Variants in MCU observed in about 807,000 individuals in gnomAD.
MCU encodes the protein mitochondrial calcium uniporter.
MCU carries 12 observed loss-of-function variants against 45.2 expected under a neutral mutation model. The observed-to-expected ratio is 0.27, with a 90% confidence interval of 0.17 to 0.43. The LOEUF (loss-of-function observed/expected upper bound fraction) is 0.43, where lower values mean the gene tolerates loss of function less well. Ranked by LOEUF, MCU falls within the 20% of genes least tolerant of loss-of-function variation. MCU has a pLI of 1.00. For synonymous variants in MCU, 160 were observed against 165.1 expected (o/e 0.97, Z 0.24); for missense variants, 324 against 436.7 (o/e 0.74, Z 2.30).
chr10:72,712,042 A>G (rs1419840011), intron 1 of MCU, among the ~76,000 whole-genome samples: 2 of 151,550 alleles, frequency 1.3e-5, no homozygotes, highest in Non-Finnish European at 2.9e-5. Flanking sequence ...AAAAAAACCC[A>G]AAAAACAAAA....
At chr10:72,802,062 G>A (rs745373972) in intron 1 of MCU, among the ~76,000 whole-genome samples, 2 of 152,050 alleles carry the variant, frequency 1.3e-5, no homozygotes, top group East Asian at 1.9e-4. Flanking sequence ...GATACCAAGC[G>A]TTCAACACAA....
chr10:72,748,172 T>C (rs1040016191), intron 1 of MCU, among the ~76,000 whole-genome samples: 3 of 151,766 alleles, frequency 2.0e-5, no homozygotes, highest in Admixed American at 1.3e-4. Flanking sequence ...CTCAGCCACC[T>C]GAGTAGCTGG....
chr10:72,819,860 C>G (rs1174150897), intron 1 of MCU, among the ~76,000 whole-genome samples: 1 of 149,288 alleles, frequency 6.7e-6, no homozygotes, highest in Non-Finnish European at 1.5e-5. Context: ...ATAAATTTAT[C>G]TTAGTTGATA....
At chr10:72,865,975 C>T (rs559202043) in intron 4 of MCU, among the ~76,000 whole-genome samples, 34 of 152,186 alleles carry the variant, frequency 2.2e-4, no homozygotes, top group Admixed American at 1.7e-3. Flanking sequence ...GACGGGGTTT[C>T]ACCATGTTAG....
chr10:72,885,435 A>G (rs904425469), intron 7 of MCU, among the ~76,000 whole-genome samples: 1 of 152,232 alleles, frequency 6.6e-6, no homozygotes, highest in African/African-American at 2.4e-5. Context: ...GAGAAACACC[A>G]TCAAGATGTA....
intron 5 of MCU, among the ~76,000 whole-genome samples, chr10:72,869,622 A>G (rs117703277): frequency 1.3e-5 from 2 of 152,238 alleles, no homozygotes; most frequent in Non-Finnish European, 2.9e-5. Flanking sequence ...ACAACAAAAT[A>G]ACAATACAAC....
intron 1 of MCU, among the ~76,000 whole-genome samples, chr10:72,821,605 G>A (rs535992053): frequency 6.6e-6 from 1 of 152,022 alleles, no homozygotes; most frequent in Non-Finnish European, 1.5e-5. Flanking sequence ...AATGTTTAGG[G>A]TGGCAGCATA....
intron 2 of MCU, among the ~76,000 whole-genome samples, chr10:72,851,705 T>C (rs994195005): frequency 6.6e-6 from 1 of 152,180 alleles, no homozygotes; most frequent in African/African-American, 2.4e-5. Context: ...GTTGCAAATC[T>C]TGTGACCTCT....
At chr10:72,829,357 T>C (rs1341413623) in intron 1 of MCU, among the ~76,000 whole-genome samples, 2 of 151,222 alleles carry the variant, frequency 1.3e-5, no homozygotes, top group Non-Finnish European at 2.9e-5. Flanking sequence ...CTAGAGATTT[T>C]CCCTTTCTCT....
chr10:72,844,327 C>T (rs994459545), intron 2 of MCU, among the ~76,000 whole-genome samples: 2 of 152,124 alleles, frequency 1.3e-5, no homozygotes, highest in African/African-American at 2.4e-5. Context: ...GCAGAGGTTG[C>T]AGTGAGCCAC....
At chr10:72,841,592 C>T (rs1845048808) in intron 2 of MCU, among the ~76,000 whole-genome samples, 1 of 152,186 alleles carries the variant, frequency 6.6e-6, no homozygotes, top group Non-Finnish European at 1.5e-5. Context: ...ACCACCGCGC[C>T]TGACCCCAAA....
In MCU at chr10:72,881,082, G is replaced by A. The variant is rs567311696; in HGVS notation, c.862-3184G>A. 5.3e-5 allele frequency among the ~76,000 whole-genome samples: 8 copies of A among 152,108 alleles called. No homozygotes were observed. The East Asian group carries it at 1.5e-3, about 29-fold the overall frequency. ...GATCTTGAGGCTGCATTGAGCTATG[G>A]TCACACCACTGTACTCCAGCCTTGG... On this transcript the variant is annotated intron_variant, in intron 6 of 7. Coordinates refer to ENST00000373053, the MANE Select transcript of MCU (RefSeq NM_138357.3).
chr10:72,748,450 A>G (rs1451583083), intron 1 of MCU, among the ~76,000 whole-genome samples: 1 of 152,130 alleles, frequency 6.6e-6, no homozygotes, highest in African/African-American at 2.4e-5. Context: ...TCTTTTCCCC[A>G]TCAGATCGAT....
intron 2 of MCU, among the ~76,000 whole-genome samples, chr10:72,845,016 A>ATT (rs1845100290): frequency 6.6e-6 from 1 of 152,186 alleles, no homozygotes; most frequent in African/African-American, 2.4e-5. Context: ...TTGGAATAGG[A>ATT]AAACAAGGGG....
In MCU at chr10:72,741,022, TAAC is replaced by T. The variant is rs566630745; in HGVS notation, c.150+48724_150+48726del. On this transcript the variant is annotated intron_variant, in intron 1 of 7. Coordinates refer to ENST00000373053, the MANE Select transcript of MCU (RefSeq NM_138357.3). The stretch of plus-strand genomic sequence containing the variant: ...TTATATATTTAATTGTAAACACAAT[TAAC>T]AATCTTTTTTTCTCAGATACAATAG... 1.5e-3 allele frequency among the ~76,000 whole-genome samples: 230 copies of T among 152,266 alleles called. 2 individuals are homozygous for T. Among genetic ancestry groups the T allele is most frequent in the African/African-American group, 4.9e-3 (203 of 41,554 alleles).
intron 1 of MCU, among the ~76,000 whole-genome samples, chr10:72,703,668 G>C (rs532309704): frequency 6.6e-6 from 1 of 152,302 alleles, no homozygotes; most frequent in East Asian, 1.9e-4. Context: ...ACTTTGGGAG[G>C]TGGAGGCAGG....
intron 1 of MCU, among the ~76,000 whole-genome samples, chr10:72,699,592 CTT>C (rs372198670): frequency 1.6e-4 from 22 of 135,148 alleles, no homozygotes; most frequent in Non-Finnish European, 1.8e-4. Flanking sequence ...GGTGAAATGG[CTT>C]TTTTTTTTTT....
At chr10:72,841,047 C>G (rs1412350532) in intron 2 of MCU, among the ~76,000 whole-genome samples, 1 of 152,078 alleles carries the variant, frequency 6.6e-6, no homozygotes, top group East Asian at 1.9e-4. Flanking sequence ...ATCATTTTTT[C>G]CAATATTTTG....
chr10:72,818,606 G>A (rs911117758), intron 1 of MCU, among the ~76,000 whole-genome samples: 2 of 152,120 alleles, frequency 1.3e-5, no homozygotes, highest in Non-Finnish European at 2.9e-5. Flanking sequence ...TTGGGAGGCC[G>A]AGGTGGGTGG....
Sources: gnomAD v4.1 joint callset for allele counts (sites outside exome capture counted in the v4.1 genomes callset) on GRCh38, gnomAD v4.1.1 for gene constraint, MANE v1.5 for transcripts, NCBI Gene and HGNC (gene_info 2026-07-23, HGNC 2026-07-21) for gene names.